The following CNGB3 variants were observed in gnomAD, a reference collection of about 807,000 sequenced individuals.
The protein encoded by CNGB3 is cyclic nucleotide-gated channel beta-3.
Under a neutral mutation model 92.8 loss-of-function variants are expected in CNGB3, and 86 were observed. The observed-to-expected ratio is 0.93, with a 90% CI of 0.78 to 1.11. The LOEUF is 1.11. Ranked by LOEUF, CNGB3 falls within the 50% of genes least tolerant of loss-of-function variation. The pLI, the probability that CNGB3 is intolerant of heterozygous loss-of-function variation, is 0.00. For missense variants in CNGB3, 1,026 were observed against 956.8 expected, an observed-to-expected ratio of 1.07 and a Z score of -0.95; for synonymous variants, 333 against 332.7, an observed-to-expected ratio of 1.00 and a Z score of -0.01.
chr8:86,654,682 T>C (rs575796714), intron 6 of CNGB3, among the ~76,000 whole-genome samples: 12 of 152,236 alleles, frequency 7.9e-5, no homozygotes, highest in Non-Finnish European at 1.8e-4. Context: ...AAAAATTTTT[T>C]GGACAATTTT....
intron 15 of CNGB3, among the ~76,000 whole-genome samples, chr8:86,580,951 G>A (rs1482321412): frequency 6.6e-6 from 1 of 152,192 alleles, no homozygotes; most frequent in Non-Finnish European, 1.5e-5. Flanking sequence ...GATATAAGAA[G>A]CTGCATGGGC....
chr8:86,665,048 T>G (rs1444939456), intron 6 of CNGB3, among the ~76,000 whole-genome samples: 1 of 152,196 alleles, frequency 6.6e-6, no homozygotes, highest in Non-Finnish European at 1.5e-5. Context: ...TGTAACTAAT[T>G]CAAATTTAAA....
In CNGB3 at chr8:86,622,375, CTTT is replaced by C. The variant is rs11318413; in HGVS notation, c.1578+3605_1578+3607del. On this transcript the variant is annotated intron_variant, in intron 13 of 17. Transcript: ENST00000320005. ...CACATTTTCTTTTGGGGCCATTCTT[CTTT>C]TTTTTTTTTTTTTTGAAAATGGAGT... Among the ~76,000 whole-genome samples, 128 of 131,658 alleles carry C rather than the reference CTTT, an allele frequency of 9.7e-4. 1 individual carries two copies. The highest frequency in any genetic ancestry group is 2.3e-3 in the African/African-American group (79 of 34,620). 86.4% of individuals were successfully genotyped at this position (131,658 alleles called of 152,430 possible). A position where few individuals can be genotyped will look rare whatever the true frequency, so the allele number is the denominator to read the frequency against.
At chr8:86,695,318 G>T (rs1177096238) in intron 3 of CNGB3, among the ~76,000 whole-genome samples, 5 of 149,366 alleles carry the variant, frequency 3.3e-5, no homozygotes, top group Non-Finnish European at 7.4e-5. Context: ...CATGGGGAGG[G>T]GGAGAGGGAG....
At chr8:86,661,848 T>A in intron 6 of CNGB3, 1 of 1,334,170 alleles carries the variant, frequency 7.5e-7, no homozygotes, top group Non-Finnish European at 1.1e-6. Flanking sequence ...TTCTGGACGT[T>A]CCAGAACTGA....
intron 3 of CNGB3, among the ~76,000 whole-genome samples, chr8:86,676,242 C>G (rs189653342): frequency 6.6e-6 from 1 of 152,170 alleles, no homozygotes; most frequent in East Asian, 1.9e-4. Flanking sequence ...TTTTGATGAG[C>G]ATGGTAACAT....
intron 6 of CNGB3, chr8:86,659,768 C>T: frequency 5.4e-6 from 2 of 371,230 alleles, no homozygotes; most frequent in South Asian, 2.2e-5. Context: ...TGTAACCACT[C>T]CCTTTGGCTC....
At chr8:86,589,660 T>C (rs888198293) in intron 15 of CNGB3, among the ~76,000 whole-genome samples, 1 of 152,242 alleles carries the variant, frequency 6.6e-6, no homozygotes, top group African/African-American at 2.4e-5. Flanking sequence ...TGAGTGAGAT[T>C]CTTAGTCCTG....
chr8:86,675,061 C>A (rs1823939262), intron 3 of CNGB3, among the ~76,000 whole-genome samples: 1 of 152,032 alleles, frequency 6.6e-6, no homozygotes, highest in African/African-American at 2.4e-5. Context: ...CAGGTTCAAG[C>A]AATTCTGCTG....
At chr8:86,657,484 A>G (rs1563743278) in intron 6 of CNGB3, 4 of 514,168 alleles carry the variant, frequency 7.8e-6, no homozygotes, top group Non-Finnish European at 1.2e-5. Context: ...TCTGCATCTC[A>G]GGAAGCAGTT....
chr8:86,668,894 C>A (rs1014512530), intron 4 of CNGB3, among the ~76,000 whole-genome samples: 4 of 152,100 alleles, frequency 2.6e-5, no homozygotes, highest in Non-Finnish European at 5.9e-5. Context: ...TGGTGCACGC[C>A]TGTAGTCCCA....
intron 3 of CNGB3, among the ~76,000 whole-genome samples, chr8:86,680,314 T>C (rs1824058364): frequency 6.6e-6 from 1 of 152,200 alleles, no homozygotes; most frequent in Non-Finnish European, 1.5e-5. Context: ...GTTCATATGT[T>C]AGCTCATTTA....
rs187543774 is a variant in CNGB3, at chr8:86,663,122, T to G, written c.852+3803A>C. Among the ~76,000 whole-genome samples, 380 of 151,842 alleles carry G rather than the reference T, an allele frequency of 2.5e-3. 1 individual carries two copies. The highest frequency in any genetic ancestry group is 6.8e-3 in the Middle Eastern group (2 of 292). On this transcript the variant is annotated intron_variant, in intron 6 of 17. Coordinates refer to ENST00000320005, the MANE Select transcript of CNGB3 (RefSeq NM_019098.5). ...AGTGTAGGAAACACAGAGAAGGGAG[T>G]GGTTTTCTTCAGATTGGTTTATAAA...
chr8:86,619,427 T>C (rs1822683569), intron 13 of CNGB3, among the ~76,000 whole-genome samples: 1 of 152,158 alleles, frequency 6.6e-6, no homozygotes, highest in Admixed American at 6.5e-5. Flanking sequence ...AGGAATCATT[T>C]TTGTGAAAAA....
At chr8:86,589,513 A>T (rs970598072) in intron 15 of CNGB3, among the ~76,000 whole-genome samples, 2 of 152,022 alleles carry the variant, frequency 1.3e-5, no homozygotes, top group East Asian at 1.9e-4. Context: ...GCTTTGAATG[A>T]GTCCCAGAGA....
chr8:86,713,894 A>C (rs748970465), intron 3 of CNGB3, among the ~76,000 whole-genome samples: 6 of 152,152 alleles, frequency 3.9e-5, no homozygotes, highest in Admixed American at 1.3e-4. Flanking sequence ...ATCACAGCAA[A>C]ATTAAGTTGA....
At position 86,653,867 on chromosome 8, in the gene CNGB3, T is replaced by C. The variant is rs1585994788; in HGVS notation, c.903+145A>G. ...ACATACAAGGAAACATATCAGGTAA[T>C]TATTGAGAGGCAGAAACTTCAGGCT... On this transcript the variant is annotated intron_variant, in intron 7 of 17. Coordinates refer to ENST00000320005, the MANE Select transcript of CNGB3 (RefSeq NM_019098.5). 5.9e-6 allele frequency: 4 copies of C among 677,572 alleles called. No homozygotes were observed. In the East Asian group the frequency reaches 1.1e-4, roughly 18 times the overall value. 42.0% of individuals were successfully genotyped at this position (677,572 alleles called of 1,614,324 possible).
In CNGB3 at chr8:86,575,881, T is replaced by C. The variant is rs999117032; in HGVS notation, c.2353A>G (p.Ile785Val). 1.2e-6 allele frequency: 2 copies of C among 1,613,364 alleles called. No homozygotes were observed. The highest frequency in any genetic ancestry group is 1.7e-5 in the Admixed American group (1 of 59,882). ...TCAGCAGAAGGAGCCATGCTGATAA[T>C]GAGTGATTGACGAGAAGTCCCTCTG... ...LPRGTSRQSLIISMAPSAEGG... is the reference protein window; with the variant it reads ...LPRGTSRQSLVISMAPSAEGG... Residue 785 changes from isoleucine (I) to valine (V), a missense_variant, in exon 18 of 18, where the codon ATT (isoleucine) becomes GTT (valine). Physicochemically the swap from Ile to Val is conservative, Grantham distance 29. Transcript: ENST00000320005.
intron 15 of CNGB3, among the ~76,000 whole-genome samples, chr8:86,592,462 G>T (rs573188557): frequency 6.6e-6 from 1 of 152,264 alleles, no homozygotes; most frequent in Admixed American, 6.5e-5. Flanking sequence ...ATCTTGTGAG[G>T]TGGTCATGTA....
Sources: gnomAD v4.1 joint callset for allele counts (sites outside exome capture counted in the v4.1 genomes callset) on GRCh38, gnomAD v4.1.1 for gene constraint, MANE v1.5 for transcripts, NCBI Gene and HGNC (gene_info 2026-07-23, HGNC 2026-07-21) for gene names.